PIBF1: variants seen among roughly 807,000 people sequenced by gnomAD.
PIBF1 encodes the protein progesterone immunomodulatory binding factor 1, also known as progesterone-induced-blocking factor 1.
Under a neutral mutation model 112.5 loss-of-function variants are expected in PIBF1, and 90 were observed. That is an observed-to-expected ratio of 0.80 (90% CI 0.67 to 0.95). PIBF1 has a LOEUF of 0.95. Ranked by LOEUF, PIBF1 falls within the 40% of genes least tolerant of loss-of-function variation. The pLI, the probability that PIBF1 is intolerant of heterozygous loss-of-function variation, is 0.00. For missense variants in PIBF1, 915 were observed against 852.3 expected (o/e 1.07, Z -0.92); for synonymous variants, 301 against 288.6 (o/e 1.04, Z -0.44).
intron 10 of PIBF1, among the ~76,000 whole-genome samples, chr13:72,860,188 C>T (rs952836525): frequency 3.3e-5 from 5 of 152,004 alleles, no homozygotes; most frequent in African/African-American, 9.7e-5. Context: ...ATGTGACAAC[C>T]GTGTAAAAGA....
intron 13 of PIBF1, among the ~76,000 whole-genome samples, chr13:72,926,347 G>A (rs1180143695): frequency 6.6e-6 from 1 of 152,086 alleles, no homozygotes; most frequent in Non-Finnish European, 1.5e-5. Context: ...TGCACATAAT[G>A]ATATAAAACC....
intron 16 of PIBF1, among the ~76,000 whole-genome samples, chr13:72,979,372 C>T (rs1376353038): frequency 6.6e-6 from 1 of 152,134 alleles, no homozygotes; most frequent in Non-Finnish European, 1.5e-5. Flanking sequence ...TATATTTTAT[C>T]CACGTGTCCT....
intron 10 of PIBF1, among the ~76,000 whole-genome samples, chr13:72,882,236 A>G (rs1227115590): frequency 2.0e-5 from 3 of 152,338 alleles, no homozygotes; most frequent in East Asian, 3.9e-4. Flanking sequence ...CTGCATGTCC[A>G]TATGCAGAAG....
chr13:72,783,390 AG>A, intron 1 of PIBF1, 32 bp from the exon 2 acceptor site: 1 of 933,552 alleles, frequency 1.1e-6, no homozygotes, highest in African/African-American at 1.7e-5. Flanking sequence ...TTAATTTTAT[AG>A]TACATTTGAA....
chr13:72,790,546 G>A (rs556945459), intron 2 of PIBF1, among the ~76,000 whole-genome samples: 1 of 136,528 alleles, frequency 7.3e-6, no homozygotes, highest in Non-Finnish European at 1.7e-5. Flanking sequence ...TAGATAGATA[G>A]ATAGATAGAT....
Position 72,965,312 on chromosome 13 carries a change from G to A in PIBF1, c.1872G>A (p.Gln624=), listed in dbSNP as rs758438887. 4 of 1,611,398 alleles carry A rather than the reference G, an allele frequency of 2.5e-6. No homozygotes were observed. Among genetic ancestry groups the A allele is most frequent in the African/African-American group, 1.3e-5 (1 of 74,868 alleles). Residue 624 remains glutamine, a synonymous_variant, in exon 15 of 18, where the codon CAG becomes CAA. Transcript: ENST00000326291. ...ATTCGCTATTAAACCAGACTCAACA[G>A]CCTTACAGGTATCTCATTGAATCAG... ...RANSLLNQTQ[Q]PYRYLIESVR... is the part of the protein sequence containing the mutation.
At chr13:72,935,630 A>G (rs1246914712) in intron 14 of PIBF1, among the ~76,000 whole-genome samples, 1 of 152,198 alleles carries the variant, frequency 6.6e-6, no homozygotes, top group Non-Finnish European at 1.5e-5. Context: ...ACTGTTTCCC[A>G]GATGTTTGTA....
chr13:72,995,801 T>C (rs1236814740), intron 16 of PIBF1, among the ~76,000 whole-genome samples: 9 of 151,522 alleles, frequency 5.9e-5, no homozygotes, highest in Non-Finnish European at 1.0e-4. Context: ...AATACAAAAA[T>C]TAGCTGAGCG....
chr13:72,921,990 C>T (rs537477313), intron 13 of PIBF1, among the ~76,000 whole-genome samples: 5 of 152,270 alleles, frequency 3.3e-5, no homozygotes, highest in Admixed American at 6.5e-5. Context: ...TCTTTAGTAT[C>T]AGTCCATTTT....
At chr13:72,847,636 A>G (rs2037933301) in intron 9 of PIBF1, among the ~76,000 whole-genome samples, 1 of 152,262 alleles carries the variant, frequency 6.6e-6, no homozygotes, top group South Asian at 2.1e-4. Context: ...AGGTTAGGAA[A>G]GTGTAGCATT....
chr13:72,909,911 A>G (rs1372635830), intron 12 of PIBF1, among the ~76,000 whole-genome samples: 1 of 152,034 alleles, frequency 6.6e-6, no homozygotes, highest in Non-Finnish European at 1.5e-5. Context: ...TTCCTGTCTT[A>G]TCCCTAACGT....
At chr13:72,946,773 T>C (rs777018379) in intron 14 of PIBF1, among the ~76,000 whole-genome samples, 3 of 152,194 alleles carry the variant, frequency 2.0e-5, no homozygotes, top group Non-Finnish European at 2.9e-5. Flanking sequence ...CTCCTTTGAC[T>C]CCACGTCTCA....
In PIBF1 at chr13:72,888,790, A is replaced by G. The variant is rs187620743; in HGVS notation, c.1323-4994A>G. Among the ~76,000 whole-genome samples the G allele has an allele frequency of 1.5e-3, 227 of 152,000 alleles. 4 individuals carry two copies. The highest frequency in any genetic ancestry group is 5.3e-4 in the Non-Finnish European group (36 of 67,976). ...CCATTTGTTTAAAAAAAAAAAACTG[A>G]TATATCAATTCATATGTGATATACA... is the stretch of plus-strand genomic sequence containing the variant. On this transcript the variant is annotated intron_variant, in intron 10 of 17. Coordinates refer to ENST00000326291, the MANE Select transcript of PIBF1 (RefSeq NM_006346.4).
At chr13:72,806,981 T>A (rs1160755359) in intron 5 of PIBF1, among the ~76,000 whole-genome samples, 1 of 151,712 alleles carries the variant, frequency 6.6e-6, no homozygotes, top group African/African-American at 2.4e-5. Context: ...TGAACTAATT[T>A]ACGCTTTTTT....
At chr13:72,928,027 A>ATATATACATATATATACG (rs1566458666) in intron 13 of PIBF1, among the ~76,000 whole-genome samples, 1 of 38,968 alleles carries the variant, frequency 2.6e-5, no homozygotes, top group Non-Finnish European at 6.4e-5. Context: ...ATATATATAC[A>ATATATACATATATATACG]TATATATATA....
At chr13:72,807,174 G>C (rs1485095162) in intron 5 of PIBF1, among the ~76,000 whole-genome samples, 1 of 77,502 alleles carries the variant, frequency 1.3e-5, no homozygotes. Context: ...TGAAGGATAA[G>C]AGCCAAAAAA....
At chr13:72,918,828 C>T (rs922078537) in intron 13 of PIBF1, among the ~76,000 whole-genome samples, 7 of 151,952 alleles carry the variant, frequency 4.6e-5, no homozygotes, top group East Asian at 1.9e-4. Flanking sequence ...CTCAGCCTCC[C>T]GAGTAGCTGG....
At chr13:72,866,361 A>G (rs1388148123) in intron 10 of PIBF1, among the ~76,000 whole-genome samples, 2 of 152,090 alleles carry the variant, frequency 1.3e-5, no homozygotes, top group East Asian at 3.9e-4. Context: ...CTTTTAATTC[A>G]TGTGAATTAT....
chr13:72,913,341 A>G (rs1054898118), intron 12 of PIBF1, among the ~76,000 whole-genome samples: 1 of 152,204 alleles, frequency 6.6e-6, no homozygotes, highest in African/African-American at 2.4e-5. Flanking sequence ...TACATATTGA[A>G]TTATAATTGA....
Sources: allele counts gnomAD v4.1 joint callset (sites outside exome capture counted in the v4.1 genomes callset), GRCh38; gene constraint gnomAD v4.1.1; transcripts MANE v1.5; gene names NCBI Gene and HGNC (gene_info 2026-07-23, HGNC 2026-07-21).